Variants in DLG2 observed in about 807,000 individuals in gnomAD.
DLG2 encodes the protein discs large MAGUK scaffold protein 2.
DLG2 carries 45 observed loss-of-function variants against 132.5 expected under a neutral mutation model. The ratio of observed to expected loss-of-function variants is 0.34; its 90% CI spans 0.27 to 0.44. The LOEUF is 0.44. DLG2 is among the 20% of genes least tolerant of loss of function. The pLI is 1.00. For synonymous variants in DLG2, 424 were observed against 419.6 expected (o/e 1.01, Z -0.13); for missense variants, 1,045 against 1,196.9 (o/e 0.87, Z 1.87).
At chr11:84,280,817 C>T (rs2097846316) in intron 7 of DLG2, among the ~76,000 whole-genome samples, 1 of 151,626 alleles carries the variant, frequency 6.6e-6, no homozygotes, top group Non-Finnish European at 1.5e-5. Flanking sequence ...CCTGCCTCAG[C>T]CTCCCGAGTA....
chr11:83,714,432 T>C (rs951132499), intron 18 of DLG2, among the ~76,000 whole-genome samples: 1 of 152,160 alleles, frequency 6.6e-6, no homozygotes, highest in African/African-American at 2.4e-5. Flanking sequence ...ATTTCATAGA[T>C]AAGAAAACTG....
At chr11:84,859,248 T>C (rs1000535392) in intron 6 of DLG2, among the ~76,000 whole-genome samples, 2 of 150,072 alleles carry the variant, frequency 1.3e-5, no homozygotes, top group Non-Finnish European at 3.0e-5. Flanking sequence ...GATATGTGTA[T>C]ATATACATAT....
At chr11:83,948,098 C>T (rs770889506) in intron 14 of DLG2, among the ~76,000 whole-genome samples, 56 of 152,174 alleles carry the variant, frequency 3.7e-4, no homozygotes, top group Non-Finnish European at 6.3e-4. Flanking sequence ...ACATTTATTT[C>T]AGCTATTTCG....
intron 10 of DLG2, among the ~76,000 whole-genome samples, chr11:84,096,900 G>A (rs1311532399): frequency 6.8e-6 from 1 of 147,830 alleles, no homozygotes; most frequent in Non-Finnish European, 1.5e-5. Context: ...ACATTTACCT[G>A]AAAAAAAAAA....
At chr11:85,123,006 C>T (rs1287648746) in intron 5 of DLG2, among the ~76,000 whole-genome samples, 2 of 61,202 alleles carry the variant, frequency 3.3e-5, no homozygotes, top group Admixed American at 4.9e-4. Flanking sequence ...GAGACAGAGT[C>T]TCGCTCTGTC....
At chr11:85,356,887 C>T (rs2083744183) in intron 3 of DLG2, among the ~76,000 whole-genome samples, 1 of 152,030 alleles carries the variant, frequency 6.6e-6, no homozygotes, top group South Asian at 2.1e-4. Context: ...TCACTTATTC[C>T]ACCCCCACTC....
intron 6 of DLG2, among the ~76,000 whole-genome samples, chr11:85,100,437 T>C (rs1235934418): frequency 6.6e-6 from 1 of 152,148 alleles, no homozygotes; most frequent in East Asian, 1.9e-4. Flanking sequence ...AAAGAGATAT[T>C]GAAAGGTCAT....
intron 6 of DLG2, among the ~76,000 whole-genome samples, chr11:84,658,332 T>G (rs192017803): frequency 1.1e-3 from 162 of 152,254 alleles, no homozygotes; most frequent in Non-Finnish European, 1.5e-4. Context: ...ATGAAATGTT[T>G]GTATCCCTGC....
intron 11 of DLG2, among the ~76,000 whole-genome samples, chr11:84,038,969 T>C (rs1451864179): frequency 6.6e-6 from 1 of 151,984 alleles, no homozygotes; most frequent in Non-Finnish European, 1.5e-5. Flanking sequence ...TTCAATTACC[T>C]CCCACCAGGC....
At chr11:83,772,340 G>T (rs1353287501) in intron 18 of DLG2, among the ~76,000 whole-genome samples, 1 of 151,852 alleles carries the variant, frequency 6.6e-6, no homozygotes, top group African/African-American at 2.4e-5. Flanking sequence ...AGCCTGGGAG[G>T]TGGAAGTTGC....
chr11:85,336,641 G>A (rs1355827408), intron 3 of DLG2: 1 of 153,400 alleles, frequency 6.5e-6, no homozygotes, highest in East Asian at 1.9e-4. Context: ...GAGCCAGGAG[G>A]AGGGAATGTG....
In DLG2 at chr11:83,459,148, A is replaced by T. The variant is rs1029691065; in HGVS notation, c.*670T>A. 3 of 152,646 alleles carry T rather than the reference A, an allele frequency of 2.0e-5. No homozygotes were observed. Among genetic ancestry groups the T allele is most frequent in the Non-Finnish European group, 4.4e-5 (3 of 68,042 alleles). The allele number at this position is 152,646 out of a possible 1,614,324, so 9.5% of individuals were successfully genotyped here. ...CATCTTTAGTGCCTTCTTTCAGTTT[A>T]TAAATGGCAAAATAGGCAATCAACA... On this transcript the variant is annotated 3_prime_UTR_variant, in exon 28 of 28. Coordinates refer to ENST00000376104, the MANE Select transcript of DLG2 (RefSeq NM_001142699.3).
At chr11:84,681,862 C>G (rs549745988) in intron 6 of DLG2, among the ~76,000 whole-genome samples, 1 of 151,604 alleles carries the variant, frequency 6.6e-6, no homozygotes, top group African/African-American at 2.4e-5. Flanking sequence ...TCTTTGCTGA[C>G]TTTTAGGCCT....
chr11:85,034,013 T>C (rs1467447794), intron 6 of DLG2, among the ~76,000 whole-genome samples: 1 of 152,118 alleles, frequency 6.6e-6, no homozygotes, highest in East Asian at 1.9e-4. Flanking sequence ...GGGGGTTCAC[T>C]GTTCTTTCTC....
chr11:84,017,923 A>G (rs1026966854), intron 11 of DLG2, among the ~76,000 whole-genome samples: 5 of 151,966 alleles, frequency 3.3e-5, no homozygotes, highest in Non-Finnish European at 7.4e-5. Context: ...AGTCAGGAAT[A>G]ATTCTTATCT....
intron 3 of DLG2, among the ~76,000 whole-genome samples, chr11:85,330,492 T>C (rs1596296027): frequency 5.3e-5 from 3 of 56,832 alleles, no homozygotes; most frequent in African/African-American, 6.8e-5. Context: ...ATGGATGAAA[T>C]TGGAAACCAT....
At chr11:85,384,822 T>C (rs901070384) in intron 3 of DLG2, among the ~76,000 whole-genome samples, 1 of 152,172 alleles carries the variant, frequency 6.6e-6, no homozygotes, top group Non-Finnish European at 1.5e-5. Context: ...TCCACCCACC[T>C]CGGCCTCCAA....
At chr11:83,618,596 T>C (rs927700977) in intron 19 of DLG2, among the ~76,000 whole-genome samples, 1 of 152,200 alleles carries the variant, frequency 6.6e-6, no homozygotes, top group Non-Finnish European at 1.5e-5. Flanking sequence ...AGAAAGGTAC[T>C]AAGTGGCCAA....
intron 6 of DLG2, among the ~76,000 whole-genome samples, chr11:84,568,066 T>A (rs2099464415): frequency 6.6e-6 from 1 of 152,062 alleles, no homozygotes; most frequent in Non-Finnish European, 1.5e-5. Context: ...GCCACTTTGG[T>A]TTTACCTCAC....
Sources: allele counts gnomAD v4.1 joint callset (sites outside exome capture counted in the v4.1 genomes callset), GRCh38; gene constraint gnomAD v4.1.1; transcripts MANE v1.5; gene names NCBI Gene and HGNC (gene_info 2026-07-23, HGNC 2026-07-21).